The following KLRG1 variants were observed in gnomAD, a reference collection of about 807,000 sequenced individuals.
KLRG1 encodes killer cell lectin like receptor G1, also known as killer cell lectin-like receptor subfamily G member 1.
KLRG1 carries 16 observed loss-of-function variants against 21.8 expected under a neutral mutation model. The observed-to-expected ratio is 0.73, with a 90% CI of 0.50 to 1.11. The LOEUF is 1.11. KLRG1 is among the 50% of genes most tolerant of loss of function. The probability of loss-of-function intolerance (pLI) is 0.00; values close to 1 mark genes in which losing one functional copy is unlikely to be tolerated. For synonymous variants in KLRG1, 69 were observed against 75.9 expected, an observed-to-expected ratio of 0.91 and a Z score of 0.47; for missense variants, 173 against 218.3, an observed-to-expected ratio of 0.79 and a Z score of 1.31.
At chr12:9,139,536 C>T in the KLRG1 span, among the ~76,000 whole-genome samples, 1 of 152,068 alleles carries the variant, frequency 6.6e-6, no homozygotes, top group Admixed American at 6.6e-5. Flanking sequence ...ATTGAAGTTT[C>T]CTACTATTAT....
chr12:9,157,196 C>A, the KLRG1 span: 1 of 1,613,684 alleles, frequency 6.2e-7, no homozygotes, highest in Non-Finnish European at 8.5e-7. Context: ...GCTTCCTTAT[C>A]AAGTGAGTTC....
the KLRG1 span, among the ~76,000 whole-genome samples, chr12:9,214,411 A>G: frequency 6.6e-6 from 1 of 152,062 alleles, no homozygotes; most frequent in Admixed American, 6.5e-5. Context: ...GAATCTGTAC[A>G]TCAATTTGGG....
chr12:9,079,115 T>C, the KLRG1 span: 1 of 654,204 alleles, frequency 1.5e-6, no homozygotes, highest in East Asian at 2.8e-5. Context: ...TCTTGGTGGA[T>C]TTATCTAGTA....
the KLRG1 span, chr12:9,028,656 A>C: frequency 2.5e-6 from 1 of 401,498 alleles, no homozygotes. Context: ...TTTGTCCAGG[A>C]TGGTTTCGAT....
chr12:9,211,706 G>A, the KLRG1 span, among the ~76,000 whole-genome samples: 1 of 152,132 alleles, frequency 6.6e-6, no homozygotes, highest in Non-Finnish European at 1.5e-5. Flanking sequence ...GCATCTGAAG[G>A]AGCAAACACC....
the KLRG1 span, chr12:9,166,279 C>G: frequency 6.8e-7 from 1 of 1,464,794 alleles, no homozygotes; most frequent in Non-Finnish European, 9.3e-7. Flanking sequence ...CGTTAGAGAA[C>G]AAAATTTTCA....
At chr12:8,978,382 C>G (rs1946691556) in intron 1 of KLRG1, among the ~76,000 whole-genome samples, 1 of 152,148 alleles carries the variant, frequency 6.6e-6, no homozygotes, top group African/African-American at 2.4e-5. Flanking sequence ...TAGATGAATT[C>G]TCACTATGTT....
chr12:9,071,431 A>AAT, the KLRG1 span, among the ~76,000 whole-genome samples: 85 of 151,514 alleles, frequency 5.6e-4, no homozygotes, highest in African/African-American at 1.8e-3. Context: ...AAATGAAAAA[A>AAT]ATATATATAT....
chr12:9,200,764 G>T, the KLRG1 span: 1 of 982,020 alleles, frequency 1.0e-6, no homozygotes, highest in Non-Finnish European at 1.5e-6. Flanking sequence ...CCGTCCTAAT[G>T]GTCTTAGAAG....
chr12:9,095,125 T>C, the KLRG1 span: 2 of 1,045,384 alleles, frequency 1.9e-6, no homozygotes, highest in Non-Finnish European at 2.8e-6. Context: ...ATATATATTA[T>C]AAAATATACA....
the KLRG1 span, chr12:9,160,305 C>T: frequency 1.3e-6 from 2 of 1,591,048 alleles, no homozygotes; most frequent in African/African-American, 1.4e-5. Context: ...TTTTCTCTGT[C>T]TCACTTACCA....
At chr12:8,979,211 T>G (rs1946714969) in intron 1 of KLRG1, among the ~76,000 whole-genome samples, 1 of 151,760 alleles carries the variant, frequency 6.6e-6, no homozygotes, top group African/African-American at 2.4e-5. Flanking sequence ...AGAGACAGTG[T>G]TTCACCATGT....
chr12:9,126,546 G>A, the KLRG1 span, among the ~76,000 whole-genome samples: 3 of 152,202 alleles, frequency 2.0e-5, no homozygotes, highest in Admixed American at 6.5e-5. Context: ...GGAACTTTCC[G>A]ACATAGCAAT....
At chr12:9,173,759 C>T in the KLRG1 span, among the ~76,000 whole-genome samples, 5 of 151,948 alleles carry the variant, frequency 3.3e-5, no homozygotes, top group African/African-American at 1.2e-4. Flanking sequence ...ACACATACAC[C>T]CTCCCAAGAC....
the KLRG1 span, among the ~76,000 whole-genome samples, chr12:9,214,682 G>A: frequency 2.5e-4 from 38 of 151,742 alleles, 1 homozygote; most frequent in African/African-American, 9.7e-5. Context: ...GTTGCAATGC[G>A]TCCGTCCAGA....
the KLRG1 span, among the ~76,000 whole-genome samples, chr12:9,210,762 T>C: frequency 9.2e-5 from 14 of 152,212 alleles, no homozygotes; most frequent in Non-Finnish European, 1.9e-4. Flanking sequence ...TCTTATTCTT[T>C]TTAGTTATTG....
At chr12:9,120,202 A>T in the KLRG1 span, among the ~76,000 whole-genome samples, 1 of 152,244 alleles carries the variant, frequency 6.6e-6, no homozygotes, top group Non-Finnish European at 1.5e-5. Context: ...TAGGAACAGC[A>T]TCCATCAGTG....
intron 1 of KLRG1, among the ~76,000 whole-genome samples, chr12:8,964,812 A>G (rs1285896542): frequency 6.7e-6 from 1 of 149,486 alleles, no homozygotes; most frequent in Non-Finnish European, 1.5e-5. Flanking sequence ...GTCTCTTTTG[A>G]TCTTTGTTGG....
intron 1 of KLRG1, among the ~76,000 whole-genome samples, chr12:8,965,635 G>C (rs1164251390): frequency 6.6e-6 from 1 of 152,166 alleles, no homozygotes. Flanking sequence ...TACAAGGGAT[G>C]TGAAGGACCT....
Sources: allele counts gnomAD v4.1 joint callset (sites outside exome capture counted in the v4.1 genomes callset), GRCh38; gene constraint gnomAD v4.1.1; transcripts MANE v1.5; gene names NCBI Gene and HGNC (gene_info 2026-07-23, HGNC 2026-07-21).